The following GFUS variants were observed in gnomAD, a reference collection of about 807,000 sequenced individuals.
GFUS encodes GDP-L-fucose synthase.
Under a neutral mutation model 41.5 loss-of-function variants are expected in GFUS, and 42 were observed. That is an observed-to-expected ratio of 1.01 (90% CI 0.79 to 1.31). The LOEUF (loss-of-function observed/expected upper bound fraction) is 1.31. GFUS is among the 50% of genes most tolerant of loss of function. The pLI is 0.00. For missense variants in GFUS, 437 were observed against 428.7 expected (o/e 1.02, Z -0.17); for synonymous variants, 188 against 173.4 (o/e 1.08, Z -0.66).
At position 143,617,250 on chromosome 8, in the gene GFUS, G is replaced by A. The variant is rs147383395; in HGVS notation, c.-12+224C>T. ...ATCCCATCCTGGGAGCCGGAAACCT[G>A]CTCGGGCTCCCCCGGCAGGGCCCCA... On this transcript the variant is annotated intron_variant, in intron 1 of 10. Coordinates refer to ENST00000425753, the MANE Select transcript of GFUS (RefSeq NM_003313.4). The A allele has an allele frequency of 0.015, 2,293 of 155,086 alleles. 30 individuals are homozygous for A. Among genetic ancestry groups the A allele is most frequent in the Non-Finnish European group, 0.025 (1,751 of 69,596 alleles). The allele number at this position is 155,086 out of a possible 1,614,324, so 9.6% of individuals were successfully genotyped here. A position where few individuals can be genotyped will look rare whatever the true frequency, so the allele number is the denominator to read the frequency against.
chr8:143,613,936 G>C (rs1411632266), intron 7 of GFUS, 119 bp from the exon 8 acceptor site: 20 of 1,247,684 alleles, frequency 1.6e-5, no homozygotes, highest in Admixed American at 6.4e-5. Flanking sequence ...TGGGGAACAG[G>C]GGTCCCTCCT....
At chr8:143,615,826 C>T (rs913708200) in intron 3 of GFUS, 6 of 399,910 alleles carry the variant, frequency 1.5e-5, no homozygotes, top group African/African-American at 4.1e-5. Flanking sequence ...CCCACGTGGC[C>T]GCTGGCTCTT....
intron 2 of GFUS, 156 bp downstream of exon 2, chr8:143,616,411 A>C: frequency 7.8e-7 from 1 of 1,275,282 alleles, no homozygotes; most frequent in Non-Finnish European, 1.1e-6. Context: ...CCAGGAACAC[A>C]GCCAAGCACA....
At position 143,616,566 on chromosome 8, in the gene GFUS, C is replaced by G. The variant is rs755603216; in HGVS notation, c.146+1G>C. On this transcript the variant is annotated splice_donor_variant, in intron 2 of 10. Transcript: ENST00000425753. LOFTEE classifies it high-confidence loss of function. ...GCTGATCTGGGGATGGGCTCACTCA[C>G]GTGAGATCGGCGTCTTTAGAGGAGA... is the stretch of plus-strand genomic sequence containing the variant. 3 of 1,613,804 alleles carry G rather than the reference C, an allele frequency of 1.9e-6. No homozygotes were observed. The highest frequency in any genetic ancestry group is 1.7e-5 in the Admixed American group (1 of 60,016).
intron 9 of GFUS, 74 bp downstream of exon 9, chr8:143,613,450 G>T: frequency 1.3e-6 from 2 of 1,545,092 alleles, no homozygotes; most frequent in Non-Finnish European, 1.8e-6. Context: ...ACCCACGCTG[G>T]CCCTACACCG....
In GFUS at chr8:143,614,224, G is replaced by T; in HGVS notation, c.603C>A (p.Ser201Arg). The change falls in exon 7 of 11, where the codon AGC becomes AGA. Residue 201 changes from serine to arginine, a missense_variant. Transcript: ENST00000425753. ...TACCCCACACCGTCAGGGCCGAGCCGCTGCCTGCAGATTTGGGGAAGGAGC... is the reference window on the plus strand; with the variant it reads ...TACCCCACACCGTCAGGGCCGAGCCTCTGCCTGCAGATTTGGGGAAGGAGC... ...LIHKVHLAKS[S>R]GSALTVWGTG... 1 of 1,613,688 alleles carries T rather than the reference G, an allele frequency of 6.2e-7. No individual in the cohort carries two copies.
At chr8:143,614,568 C>T (rs1829672697) in intron 5 of GFUS, 56 bp downstream of exon 5, 3 of 1,558,728 alleles carry the variant, frequency 1.9e-6, no homozygotes, top group South Asian at 2.4e-5. Context: ...CCCACCCGCC[C>T]CTGGGGGCCC....
intron 7 of GFUS, 40 bp from the exon 8 acceptor site, chr8:143,613,857 G>C (rs889291278): frequency 6.5e-7 from 1 of 1,547,438 alleles, no homozygotes; most frequent in Non-Finnish European, 8.7e-7. Context: ...CATGGGTATA[G>C]CCAACCCTCT....
chr8:143,613,728 G>C (rs1406356488), intron 8 of GFUS, 23 bp downstream of exon 8: 39 of 1,550,492 alleles, frequency 2.5e-5, no homozygotes, highest in Non-Finnish European at 3.3e-5. Context: ...TGGAGGAAGG[G>C]GGCTGAGGGC....
In GFUS at chr8:143,616,215, G is replaced by A. The variant is rs758341548; in HGVS notation, c.152C>T (p.Thr51Ile). 2.5e-6 allele frequency: 4 copies of A among 1,613,972 alleles called. No individual in the cohort carries two copies. The highest frequency in any genetic ancestry group is 3.4e-6 in the Non-Finnish European group (4 of 1,179,942). Residue 51 changes from threonine (T) to isoleucine (I), a missense_variant, in exon 3 of 11, where the codon ACA (threonine) becomes ATA (isoleucine). By Grantham distance (89) the Thr-to-Ile change is moderately conservative. Coordinates refer to ENST00000425753, the MANE Select transcript of GFUS (RefSeq NM_003313.4). ...VSSKDADLTD[T>I]AQTRALFEKV... Reference sequence around the variant, plus strand: ...CTCAAACAGGGCGCGGGTCTGTGCTGTATCCCTGTAGGAAGCCAGGCTGTC... The same window carrying A: ...CTCAAACAGGGCGCGGGTCTGTGCTATATCCCTGTAGGAAGCCAGGCTGTC...
intron 6 of GFUS, 42 bp downstream of exon 6, chr8:143,614,278 C>T (rs375229480): frequency 6.2e-7 from 1 of 1,613,526 alleles, no homozygotes; most frequent in Non-Finnish European, 8.5e-7. Context: ...GTCACCTCCT[C>T]CCGAGCTGAG....
Position 143,616,138 on chromosome 8 carries a change from A to G in GFUS, c.229T>C (p.Phe77Leu). The change falls in exon 3 of 11, where the codon TTC (phenylalanine) becomes CTC (leucine). Residue 77 changes from phenylalanine to leucine, a missense_variant. Coordinates refer to ENST00000425753, the MANE Select transcript of GFUS (RefSeq NM_003313.4). ...TCCAAATTGTATTTGATATTCCGGAACAGGCCCCCCACCATTGCAGCAAGA... is the reference window on the plus strand; with the variant it reads ...TCCAAATTGTATTTGATATTCCGGAGCAGGCCCCCCACCATTGCAGCAAGA... ...IHLAAMVGGL[F>L]RNIKYNLDFW... is the part of the protein sequence containing the mutation. 1 of 1,609,908 alleles carries G rather than the reference A, an allele frequency of 6.2e-7. No individual in the cohort carries two copies.
chr8:143,612,827 C>G lies in GFUS; in HGVS notation c.*83G>C, dbSNP rs1587298625. ...GGCCCAGGTTGCTGGGTGGTGCCCT[C>G]AGCTCCTGGCAGGGTTGACGGGTGG... On this transcript the variant is annotated 3_prime_UTR_variant, in exon 11 of 11. Transcript: ENST00000425753. The G allele has an allele frequency of 2.6e-6, 4 of 1,515,352 alleles. No homozygotes were observed. The East Asian group carries it at 9.8e-5, about 37-fold the overall frequency. The allele number at this position is 1,515,352 out of a possible 1,614,324, so 93.9% of individuals were successfully genotyped here. A position where few individuals can be genotyped will look rare whatever the true frequency, so the allele number is the denominator to read the frequency against.
Position 143,616,578 on chromosome 8 carries a change from G to A in GFUS, c.135C>T (p.Asp45=), listed in dbSNP as rs760747388. The A allele has an allele frequency of 8.7e-6, 14 of 1,613,824 alleles. No individual in the cohort carries two copies. In the East Asian group the frequency reaches 2.2e-4, roughly 26 times the overall value. Residue 45 remains aspartate, a synonymous_variant, in exon 2 of 11, where the codon GAC becomes GAT. Transcript: ENST00000425753. The stretch of plus-strand genomic sequence containing the variant: ...ATGGGCTCACTCACGTGAGATCGGC[G>A]TCTTTAGAGGAGACAAACACCCAGT... The part of the protein sequence containing the change: ...GEDWVFVSSK[D]ADLTDTAQTR...
intron 3 of GFUS, chr8:143,615,849 A>G (rs976522344): frequency 2.3e-6 from 1 of 426,484 alleles, no homozygotes; most frequent in African/African-American, 2.0e-5. Flanking sequence ...CAGCCTCCCA[A>G]TGCTGCAAGT....
At chr8:143,616,041 C>A in intron 3 of GFUS, 65 bp downstream of exon 3, 18 of 1,389,118 alleles carry the variant, frequency 1.3e-5, no homozygotes, top group Non-Finnish European at 1.7e-5. Context: ...GTGGGAAGCC[C>A]GCCAGGAAGT....
At position 143,613,285 on chromosome 8, in the gene GFUS, G is replaced by T; in HGVS notation, c.821C>A (p.Thr274Asn). 6.2e-7 allele frequency: 1 copy of T among 1,614,054 alleles called. No individual in the cohort carries two copies. The change falls in exon 10 of 11, where the codon ACC becomes AAC. Residue 274 changes from threonine to asparagine, a missense_variant. By Grantham distance (65) the Thr-to-Asn change is moderately conservative. Transcript: ENST00000425753. ...DFHGEVTFDT[T>N]KSDGQFKKTA... is the part of the protein sequence containing the mutation. ...CTTCTTAAACTGCCCATCCGACTTGGTTGTATCAAACTGGAGGCTTTGTCA... is the reference window on the plus strand; with the variant it reads ...CTTCTTAAACTGCCCATCCGACTTGTTTGTATCAAACTGGAGGCTTTGTCA...
chr8:143,614,726 T>C (rs771153544), intron 4 of GFUS, 29 bp from the exon 5 acceptor site: 1 of 1,613,060 alleles, frequency 6.2e-7, no homozygotes, highest in Non-Finnish European at 8.5e-7. Flanking sequence ...CAGAGGCCGC[T>C]ACTTCCTGGC....
chr8:143,617,114 C>T (rs1829747177), intron 1 of GFUS: 1 of 223,760 alleles, frequency 4.5e-6, no homozygotes. Flanking sequence ...AGGCACGAGA[C>T]GGCGCCTGTG....
Sources: allele counts gnomAD v4.1 joint callset, GRCh38; gene constraint gnomAD v4.1.1; transcripts MANE v1.5; gene names NCBI Gene and HGNC (gene_info 2026-07-23, HGNC 2026-07-21).